WDR76: variants seen among roughly 807,000 people sequenced by gnomAD.
The protein encoded by WDR76 is WD repeat domain 76.
WDR76 carries 52 observed loss-of-function variants against 70.2 expected under a neutral mutation model. That is an observed-to-expected ratio of 0.74 (90% CI 0.59 to 0.93). The LOEUF is 0.93. WDR76 is among the 40% of genes least tolerant of loss of function. The pLI is 0.00. For synonymous variants in WDR76, 292 were observed against 271.1 expected, an observed-to-expected ratio of 1.08 and a Z score of -0.76; for missense variants, 756 against 760.2, an observed-to-expected ratio of 0.99 and a Z score of 0.07.
Position 43,835,100 on chromosome 15 carries a change from A to C in WDR76, c.502A>C (p.Lys168Gln). Reference sequence around the variant, plus strand: ...GTCACCCTACGAAAGGAAGAGACTGAAGAACATATCAGAAAACGCAGACTT... The same window carrying C: ...GTCACCCTACGAAAGGAAGAGACTGCAGAACATATCAGAAAACGCAGACTT... ...GLSPYERKRL[K>Q]NISENADFFA... Residue 168 changes from lysine to glutamine, a missense_variant, in exon 3 of 13, where the codon AAG (lysine) becomes CAG (glutamine). By Grantham distance (53) the Lys-to-Gln change is moderately conservative. Transcript: ENST00000263795. 6.2e-7 allele frequency: 1 copy of C among 1,614,160 alleles called. No homozygotes were observed.
intron 12 of WDR76, among the ~76,000 whole-genome samples, chr15:43,862,509 G>GT (rs1567193759): frequency 7.2e-6 from 1 of 139,312 alleles, no homozygotes; most frequent in East Asian, 2.1e-4. Flanking sequence ...TTTGTTTTTT[G>GT]TTTTTTTGTT....
chr15:43,853,262 C>T (rs992299428), intron 9 of WDR76, among the ~76,000 whole-genome samples: 1 of 151,990 alleles, frequency 6.6e-6, no homozygotes, highest in African/African-American at 2.4e-5. Flanking sequence ...TTGATCTCGG[C>T]TCACCGCAGC....
chr15:43,865,338 T>C (rs960761377), intron 12 of WDR76, among the ~76,000 whole-genome samples: 1 of 152,166 alleles, frequency 6.6e-6, no homozygotes, highest in African/African-American at 2.4e-5. Flanking sequence ...AGTGGTGCAA[T>C]CTTGGCTCAC....
intron 8 of WDR76, among the ~76,000 whole-genome samples, chr15:43,849,814 G>A (rs1462085808): frequency 1.3e-5 from 2 of 152,126 alleles, no homozygotes; most frequent in African/African-American, 4.8e-5. Flanking sequence ...GGGATTACAG[G>A]TGAGCCACCG....
At chr15:43,852,517 G>A (rs549625706) in intron 9 of WDR76, among the ~76,000 whole-genome samples, 49 of 151,798 alleles carry the variant, frequency 3.2e-4, no homozygotes, top group African/African-American at 7.2e-4. Context: ...GACTACAGGC[G>A]CATGCCACCA....
chr15:43,857,305 C>A, intron 10 of WDR76, 142 bp downstream of exon 10: 2 of 1,025,860 alleles, frequency 1.9e-6, no homozygotes, highest in Non-Finnish European at 2.6e-6. Flanking sequence ...ATTTTCCTTT[C>A]TATACTGATT....
Position 43,827,075 on chromosome 15 carries a change from C to T in WDR76, c.43C>T (p.Gln15Ter). 6.2e-7 allele frequency: 1 copy of T among 1,613,950 alleles called. No individual in the cohort carries two copies. The highest frequency in any genetic ancestry group is 8.5e-7 in the Non-Finnish European group (1 of 1,180,004). Residue 15 changes from glutamine (Q) to a stop codon, truncating the protein, a stop_gained, in exon 1 of 13, where the codon CAG becomes TAG. Transcript: ENST00000263795. LOFTEE classifies it high-confidence loss of function. The part of the protein sequence containing the change: ...GAAAEKADSR[Q>*]RPQMKVNEYK... ...GGCGGCTGAGAAGGCGGACTCCAGA[C>T]AGCGACCCCAGATGAAGGTGAGAAA...
At chr15:43,841,898 TGCCCTGTCACCC>T (rs2140302176) in intron 5 of WDR76, among the ~76,000 whole-genome samples, 1 of 151,992 alleles carries the variant, frequency 6.6e-6, no homozygotes, top group South Asian at 2.1e-4. Context: ...GATGGAGTCT[TGCCCTGTCACCC>T]AGGCTGGAGT....
chr15:43,828,905 CTT>C (rs11353535), intron 2 of WDR76, among the ~76,000 whole-genome samples: 322 of 131,724 alleles, frequency 2.4e-3, no homozygotes, highest in Admixed American at 7.0e-3. Context: ...TAATTTTTTT[CTT>C]TTTTTTTTTT....
intron 8 of WDR76, among the ~76,000 whole-genome samples, chr15:43,844,759 G>T (rs68079546): frequency 0.18 from 26,648 of 148,176 alleles, 3,548 homozygotes; most frequent in African/African-American, 0.37. Flanking sequence ...AAACCCCATC[G>T]CTACTAAAAA....
intron 7 of WDR76, 134 bp downstream of exon 7, chr15:43,842,805 C>A: frequency 1.3e-6 from 1 of 795,176 alleles, no homozygotes; most frequent in Non-Finnish European, 2.0e-6. Flanking sequence ...TTGTGTATTT[C>A]CTCACAAGTG....
intron 10 of WDR76, among the ~76,000 whole-genome samples, chr15:43,858,321 C>A (rs1382453443): frequency 6.6e-6 from 1 of 150,728 alleles, no homozygotes; most frequent in Non-Finnish European, 1.5e-5. Flanking sequence ...ATGGCGCGAT[C>A]TCGGCTCACT....
Position 43,851,232 on chromosome 15 carries a change from C to T in WDR76, c.1178C>T (p.Ala393Val). 1 of 1,614,004 alleles carries T rather than the reference C, an allele frequency of 6.2e-7. No individual in the cohort carries two copies. Among genetic ancestry groups the T allele is most frequent in the South Asian group, 1.1e-5 (1 of 91,022 alleles). Reference protein sequence around the residue: ...GTLRCGDFSRAIFEEVYRNER... With the variant: ...GTLRCGDFSRVIFEEVYRNER... Reference sequence around the variant, plus strand: ...TTACGCTGTGGGGATTTTTCCAGGGCTATTTTTGAAGAGGTAAATGTTAAT... The same window carrying T: ...TTACGCTGTGGGGATTTTTCCAGGGTTATTTTTGAAGAGGTAAATGTTAAT... Residue 393 changes from alanine (A) to valine (V), a missense_variant, in exon 9 of 13, where the codon GCT becomes GTT. Transcript: ENST00000263795.
chr15:43,862,276 CTTTTTTTTTTTT>C lies in WDR76; in HGVS notation c.1616+900_1616+911del. 1.4e-4 allele frequency among the ~76,000 whole-genome samples: 6 copies of C among 42,154 alleles called. No individual in the cohort carries two copies. In the South Asian group the frequency reaches 3.3e-3, roughly 23 times the overall value. 27.7% of individuals were successfully genotyped at this position (42,154 alleles called of 152,430 possible). A position where few individuals can be genotyped will look rare whatever the true frequency, so the allele number is the denominator to read the frequency against. On this transcript the variant is annotated intron_variant, in intron 12 of 12. Coordinates refer to ENST00000263795, the MANE Select transcript of WDR76 (RefSeq NM_024908.4). Reference sequence around the variant, plus strand: ...ACATTTTGTTCCATTTTATCAGTTTCTTTTTTTTTTTTTTTTTTTTTCAGGTCCACAATTTTT... The same window carrying C: ...ACATTTTGTTCCATTTTATCAGTTTCTTTTTTTTTCAGGTCCACAATTTTT...
At position 43,857,093 on chromosome 15, in the gene WDR76, T is replaced by A; in HGVS notation, c.1339T>A (p.Ser447Thr). 6.2e-7 allele frequency: 1 copy of A among 1,614,092 alleles called. No homozygotes were observed. ...GTSYEKLTSS[S>T]MGKIRTVHVH... ...TTCTTATGAGAAACTTACCAGTTCTTCTATGGGAAAAATAAGAACTGTTCA... is the reference window on the plus strand; with the variant it reads ...TTCTTATGAGAAACTTACCAGTTCTACTATGGGAAAAATAAGAACTGTTCA... The change falls in exon 10 of 13, where the codon TCT (serine) becomes ACT (threonine). Residue 447 changes from serine (S) to threonine (T), a missense_variant. Ser to Thr is a moderately conservative substitution (Grantham distance 58). Transcript: ENST00000263795.
intron 2 of WDR76, among the ~76,000 whole-genome samples, chr15:43,833,245 A>T (rs572586614): frequency 6.6e-6 from 1 of 151,866 alleles, no homozygotes; most frequent in South Asian, 2.1e-4. Context: ...GCTTACTACA[A>T]ACTTGAACTT....
At position 43,843,906 on chromosome 15, in the gene WDR76, A is replaced by G. The variant is rs1322219000; in HGVS notation, c.884A>G (p.Lys295Arg). The G allele has an allele frequency of 6.4e-7, 1 of 1,568,310 alleles. No homozygotes were observed. The highest frequency in any genetic ancestry group is 8.6e-7 in the Non-Finnish European group (1 of 1,157,102). The change falls in exon 8 of 13, where the codon AAA becomes AGA. Residue 295 changes from lysine to arginine, a missense_variant. Transcript: ENST00000263795. ...TAACTTTGTAATTTTCTTAGCTACA[A>G]AGCCAATTTAAATGGCATGGTCATT... The part of the protein sequence containing the change: ...EKGLSSIKSY[K>R]ANLNGMVISE...
chr15:43,834,844 A>G (rs2141726075), intron 2 of WDR76, among the ~76,000 whole-genome samples: 1 of 152,314 alleles, frequency 6.6e-6, no homozygotes, highest in South Asian at 2.1e-4. Flanking sequence ...TCACTTCTTA[A>G]CTGGGAAGCC....
At chr15:43,831,957 C>A (rs1403168489) in intron 2 of WDR76, among the ~76,000 whole-genome samples, 1 of 151,824 alleles carries the variant, frequency 6.6e-6, no homozygotes, top group Non-Finnish European at 1.5e-5. Context: ...CCATATTGGC[C>A]AGGCTGGTCT....
Sources: allele counts gnomAD v4.1 joint callset (sites outside exome capture counted in the v4.1 genomes callset), GRCh38; gene constraint gnomAD v4.1.1; transcripts MANE v1.5; gene names NCBI Gene and HGNC (gene_info 2026-07-23, HGNC 2026-07-21).